Variants in CDH12 observed in about 807,000 individuals in gnomAD.
The protein encoded by CDH12 is cadherin-12.
In CDH12, 41 loss-of-function variants were observed where a neutral mutation model predicts 74.1. That is an observed-to-expected ratio of 0.55 (90% CI 0.43 to 0.72). The LOEUF is 0.72. CDH12 is among the 30% of genes least tolerant of loss of function. The pLI is 0.00. For synonymous variants in CDH12, 399 were observed against 355.0 expected (o/e 1.12, Z -1.39); for missense variants, 945 against 977.2 (o/e 0.97, Z 0.44).
At chr5:22,403,954 A>G (rs1175027809) in intron 3 of CDH12, among the ~76,000 whole-genome samples, 1 of 152,140 alleles carries the variant, frequency 6.6e-6, no homozygotes, top group Non-Finnish European at 1.5e-5. Flanking sequence ...TGACTATATT[A>G]TTTTACTATA....
intron 6 of CDH12, among the ~76,000 whole-genome samples, chr5:21,887,906 T>C (rs1420845043): frequency 4.9e-5 from 3 of 60,804 alleles, no homozygotes; most frequent in Non-Finnish European, 1.3e-4. Flanking sequence ...ATTGCCCCAA[T>C]ACTGTATTTT....
At chr5:21,771,446 G>A (rs1745318818) in intron 11 of CDH12, among the ~76,000 whole-genome samples, 1 of 152,104 alleles carries the variant, frequency 6.6e-6, no homozygotes, top group South Asian at 2.1e-4. Flanking sequence ...CTAGTCTGGG[G>A]AATCCATAAA....
intron 1 of CDH12, among the ~76,000 whole-genome samples, chr5:22,554,602 A>G (rs1217074947): frequency 6.6e-6 from 1 of 152,120 alleles, no homozygotes; most frequent in Admixed American, 6.5e-5. Context: ...ATCTAAAACT[A>G]CTGGTGAGTG....
intron 3 of CDH12, among the ~76,000 whole-genome samples, chr5:22,331,073 G>T (rs1739330675): frequency 6.6e-6 from 1 of 152,178 alleles, no homozygotes; most frequent in African/African-American, 2.4e-5. Context: ...TCTGCCTGTG[G>T]AAAGGGGAAA....
chr5:22,532,198 G>C (rs1304599565), intron 1 of CDH12, among the ~76,000 whole-genome samples: 1 of 150,896 alleles, frequency 6.6e-6, no homozygotes, highest in Non-Finnish European at 1.5e-5. Flanking sequence ...GTTACACATG[G>C]ACCTTCTGTT....
chr5:22,115,048 A>G (rs1218880342), intron 4 of CDH12, among the ~76,000 whole-genome samples: 1 of 152,210 alleles, frequency 6.6e-6, no homozygotes, highest in Admixed American at 6.5e-5. Context: ...GTTTCAGTCA[A>G]TAAATCCCAG....
rs532494029 is a variant in CDH12 at position 22,048,929 on chromosome 5, A to G, written c.231+29517T>C. Among the ~76,000 whole-genome samples, 22 of 152,260 alleles carry G rather than the reference A, an allele frequency of 1.4e-4. No individual in the cohort carries two copies. In the East Asian group the frequency reaches 3.7e-3, roughly 25 times the overall value. ...AGTGTATGCAACAATGATGATATAG[A>G]AATTTAGTAGAAAGATTAATCCATT... On this transcript the variant is annotated intron_variant, in intron 5 of 14. Transcript: ENST00000382254.
At chr5:21,956,078 A>C (rs1438099212) in intron 6 of CDH12, among the ~76,000 whole-genome samples, 1 of 152,114 alleles carries the variant, frequency 6.6e-6, no homozygotes, top group African/African-American at 2.4e-5. Context: ...GCTTAAACTA[A>C]TTGTAGAGAA....
intron 1 of CDH12, among the ~76,000 whole-genome samples, chr5:22,561,818 TCTGGTAAAA>T (rs1477368118): frequency 6.6e-6 from 1 of 152,162 alleles, no homozygotes; most frequent in Admixed American, 6.5e-5. Context: ...CTGTGTTAGC[TCTGGTAAAA>T]CTGGACTTGA....
chr5:21,952,569 A>C (rs1460823690), intron 6 of CDH12, among the ~76,000 whole-genome samples: 1 of 152,082 alleles, frequency 6.6e-6, no homozygotes, highest in Non-Finnish European at 1.5e-5. Flanking sequence ...TGAGATCATG[A>C]CCTCTTTTGG....
chr5:21,832,752 T>A (rs1412532550), intron 8 of CDH12, among the ~76,000 whole-genome samples: 2 of 135,298 alleles, frequency 1.5e-5, no homozygotes. Flanking sequence ...ACATGATACA[T>A]ATCATATATA....
At chr5:22,171,030 C>T (rs1209470528) in intron 4 of CDH12, among the ~76,000 whole-genome samples, 1 of 151,742 alleles carries the variant, frequency 6.6e-6, no homozygotes, top group Non-Finnish European at 1.5e-5. Context: ...GTCTTTTTGC[C>T]AGTTTTAACA....
At chr5:22,038,254 C>T (rs1482034413) in intron 5 of CDH12, among the ~76,000 whole-genome samples, 1 of 152,182 alleles carries the variant, frequency 6.6e-6, no homozygotes, top group Non-Finnish European at 1.5e-5. Flanking sequence ...GGTGGCCCAA[C>T]ACCCCCAAGC....
chr5:22,166,883 A>G (rs1344487706), intron 4 of CDH12, among the ~76,000 whole-genome samples: 1 of 152,194 alleles, frequency 6.6e-6, no homozygotes, highest in East Asian at 1.9e-4. Context: ...AATGATGGCA[A>G]AAGTCAATTT....
chr5:22,083,314 T>C (rs1742862148), intron 4 of CDH12, among the ~76,000 whole-genome samples: 1 of 152,206 alleles, frequency 6.6e-6, no homozygotes, highest in Non-Finnish European at 1.5e-5. Flanking sequence ...CCAAACTCCT[T>C]AGTTTTAACT....
At chr5:22,603,421 A>G (rs1362201670) in intron 1 of CDH12, among the ~76,000 whole-genome samples, 3 of 152,220 alleles carry the variant, frequency 2.0e-5, no homozygotes, top group Non-Finnish European at 4.4e-5. Flanking sequence ...TCTGCTATTT[A>G]GTATTGAGGT....
rs868737824 is a variant in CDH12 at position 22,771,652 on chromosome 5, A to G, written c.-523+81406T>C. Among the ~76,000 whole-genome samples, 8 of 152,302 alleles carry G rather than the reference A, an allele frequency of 5.3e-5. No homozygotes were observed. In the South Asian group the frequency reaches 8.3e-4, roughly 16 times the overall value. ...ATATAATCAATTTGTAACAGAAGTAACAATTATAGTAAAAATTATTTTAAA... is the reference window on the plus strand; with the variant it reads ...ATATAATCAATTTGTAACAGAAGTAGCAATTATAGTAAAAATTATTTTAAA... On this transcript the variant is annotated intron_variant, in intron 1 of 14. Coordinates refer to ENST00000382254, the MANE Select transcript of CDH12 (RefSeq NM_004061.5).
intron 7 of CDH12, among the ~76,000 whole-genome samples, chr5:21,845,167 T>C (rs1378602054): frequency 1.3e-5 from 2 of 152,144 alleles, no homozygotes; most frequent in Non-Finnish European, 2.9e-5. Flanking sequence ...ATAACTTGAA[T>C]CCTAGTCTAG....
At chr5:22,060,370 C>T (rs544632128) in intron 5 of CDH12, among the ~76,000 whole-genome samples, 31 of 152,034 alleles carry the variant, frequency 2.0e-4, no homozygotes, top group East Asian at 1.6e-3. Flanking sequence ...CTAATGCATG[C>T]GGGACTTAAA....
Sources: gnomAD v4.1 joint callset for allele counts (sites outside exome capture counted in the v4.1 genomes callset) on GRCh38, gnomAD v4.1.1 for gene constraint, MANE v1.5 for transcripts, NCBI Gene and HGNC (gene_info 2026-07-23, HGNC 2026-07-21) for gene names.